Variants in SCRIB observed in about 807,000 individuals in gnomAD.
SCRIB encodes protein scribble homolog.
SCRIB carries 72 observed loss-of-function variants against 170.0 expected under a neutral mutation model. That is an observed-to-expected ratio of 0.42 (90% CI 0.35 to 0.52). The LOEUF (loss-of-function observed/expected upper bound fraction) is 0.52, where lower values mean the gene tolerates loss of function less well. Ranked by LOEUF, SCRIB falls within the 20% of genes least tolerant of loss-of-function variation. The probability of loss-of-function intolerance (pLI) is 0.02; values close to 1 mark genes in which losing one functional copy is unlikely to be tolerated. For missense variants in SCRIB, 2,475 were observed against 2,338.5 expected (o/e 1.06, Z -1.20); for synonymous variants, 1,298 against 1,044.3 (o/e 1.24, Z -4.68).
chr8:143,792,461 G>A (rs1472899925), intron 31 of SCRIB, 24 bp downstream of exon 31: 1 of 1,518,946 alleles, frequency 6.6e-7, no homozygotes, highest in South Asian at 1.3e-5. Flanking sequence ...GTGAGTAGGG[G>A]GCGTCTGGTG....
chr8:143,814,047 C>T lies in SCRIB; in HGVS notation c.231G>A (p.Glu77=). The T allele has an allele frequency of 2.6e-6, 4 of 1,561,282 alleles. No homozygotes were observed. The highest frequency in any genetic ancestry group is 3.5e-6 in the Non-Finnish European group (4 of 1,152,170). The part of the protein sequence containing the change: ...SDNEIQRLPP[E]VANFMQLVEL... Reference sequence around the variant, plus strand: ...CCACCAGCTGCATGAAGTTGGCCACCTCGGGAGGCAACCGCTGGATCTCGT... The same window carrying T: ...CCACCAGCTGCATGAAGTTGGCCACTTCGGGAGGCAACCGCTGGATCTCGT... The change falls in exon 2 of 37, where the codon GAG becomes GAA. Residue 77 remains glutamate, a synonymous_variant. Coordinates refer to ENST00000356994, the MANE Select transcript of SCRIB (RefSeq NM_182706.5).
rs1815662251 is a variant in SCRIB at position 143,810,573 on chromosome 8, C to G, written c.1436G>C (p.Ser479Thr). ...GLQRRATPHP[S>T]ELKVMKRSIE... ...GCTCCTCTTCATCACCTTGAGCTCG[C>G]TGGGGTGAGGTGTGGCCCGGCGCTG... is the stretch of plus-strand genomic sequence containing the variant. The change falls in exon 13 of 37, where the codon AGC becomes ACC. Residue 479 changes from serine to threonine, a missense_variant. Around this residue, in one of 3 missense-constraint regions of SCRIB, gnomAD observed 1,966 missense variants for 1,742.9 expected, o/e 1.13. Coordinates refer to ENST00000356994, the MANE Select transcript of SCRIB (RefSeq NM_182706.5). The G allele has an allele frequency of 1.2e-6, 2 of 1,613,718 alleles. No homozygotes were observed. Among genetic ancestry groups the G allele is most frequent in the East Asian group, 4.5e-5 (2 of 44,876 alleles).
chr8:143,804,480 C>G, intron 21 of SCRIB, 88 bp downstream of exon 21: 1 of 1,363,400 alleles, frequency 7.3e-7, no homozygotes, highest in South Asian at 1.5e-5. Flanking sequence ...CTGGAGTGGG[C>G]CGCAAGGCCA....
chr8:143,804,176 C>T lies in SCRIB; in HGVS notation c.3010-20G>A, dbSNP rs782795559. 5 of 1,562,346 alleles carry T rather than the reference C, an allele frequency of 3.2e-6. No homozygotes were observed. Among genetic ancestry groups the T allele is most frequent in the African/African-American group, 2.7e-5 (2 of 73,882 alleles). On this transcript the variant is annotated intron_variant, in intron 21 of 36. Transcript: ENST00000356994. ...GATCTCCTGGGGATTTAGGGCGGGA[C>T]AAGGACAGGCCTCGGTCAGGACAGG...
Position 143,795,460 on chromosome 8 carries a change from G to C in SCRIB, c.3674C>G (p.Ser1225Cys). Residue 1225 changes from serine (S) to cysteine (C), a missense_variant, in exon 25 of 37, where the codon TCT (serine) becomes TGT (cysteine). Coordinates refer to ENST00000356994, the MANE Select transcript of SCRIB (RefSeq NM_182706.5). ...IGHRNSLESI[S>C]SIDRELSPEG... ...AGGGCTCAGCTCCCGGTCGATGGAAGAGATGCTCTCCAGGCTGTTCCGGTG... is the reference window on the plus strand; with the variant it reads ...AGGGCTCAGCTCCCGGTCGATGGAACAGATGCTCTCCAGGCTGTTCCGGTG... 6.2e-7 allele frequency: 1 copy of C among 1,613,330 alleles called. No individual in the cohort carries two copies. Among genetic ancestry groups the C allele is most frequent in the Non-Finnish European group, 8.5e-7 (1 of 1,179,834 alleles).
intron 24 of SCRIB, among the ~76,000 whole-genome samples, chr8:143,797,451 G>A (rs1314829531): frequency 6.6e-6 from 1 of 152,126 alleles, no homozygotes; most frequent in Non-Finnish European, 1.5e-5. Flanking sequence ...GGCCCGCTCA[G>A]AACCATCAAG....
intron 27 of SCRIB, 139 bp from the exon 28 acceptor site, chr8:143,794,101 C>T (rs879995962): frequency 2.7e-6 from 2 of 748,516 alleles, no homozygotes; most frequent in South Asian, 3.4e-5. Flanking sequence ...CAGGGGATGC[C>T]CCAGACACTC....
rs902866170 is a variant in SCRIB at position 143,811,354 on chromosome 8, G to A, written c.907-9C>T. ...AGGGAGCGGGGCAGGGCCTGGCCAA[G>A]AAGAGGAGGTCAGAGGACGCTAGGG... On this transcript the variant is annotated splice_polypyrimidine_tract_variant and intron_variant, in intron 9 of 36. Coordinates refer to ENST00000356994, the MANE Select transcript of SCRIB (RefSeq NM_182706.5). 1.2e-6 allele frequency: 2 copies of A among 1,610,176 alleles called. No individual in the cohort carries two copies. Among genetic ancestry groups the A allele is most frequent in the East Asian group, 2.2e-5 (1 of 44,770 alleles).
chr8:143,809,812 T>A (rs887523235), intron 13 of SCRIB, 94 bp from the exon 14 acceptor site: 1 of 1,412,562 alleles, frequency 7.1e-7, no homozygotes, highest in African/African-American at 1.4e-5. Context: ...TTCCCTGAGC[T>A]TCCCGCTGCC....
At chr8:143,814,752 A>C (rs1012967731) in intron 1 of SCRIB, 3 of 168,810 alleles carry the variant, frequency 1.8e-5, no homozygotes, top group Admixed American at 6.2e-5. Flanking sequence ...GCACCTGACC[A>C]CGAGAAGCAA....
At chr8:143,808,529 G>A (rs1490620398) in intron 15 of SCRIB, 80 bp downstream of exon 15, 27 of 1,465,674 alleles carry the variant, frequency 1.8e-5, no homozygotes, top group South Asian at 4.7e-5. Flanking sequence ...GTCAGGCCTC[G>A]GCCCTGCTCC....
chr8:143,794,426 A>C (rs1451214925), intron 27 of SCRIB, among the ~76,000 whole-genome samples: 3 of 152,082 alleles, frequency 2.0e-5, no homozygotes, highest in Admixed American at 6.5e-5. Context: ...TGGCCAGAGG[A>C]GGCAGGGTCA....
intron 1 of SCRIB, among the ~76,000 whole-genome samples, chr8:143,814,423 C>T (rs895350001): frequency 1.1e-4 from 16 of 152,218 alleles, no homozygotes; most frequent in African/African-American, 3.9e-4. Context: ...GCCCACCCAG[C>T]CCCTGAACCA....
In SCRIB at chr8:143,813,729, G is replaced by A. The variant is rs758938176; in HGVS notation, c.357-3C>T. ...GCTGAGTGAAGCCATCAGGGAGCCT[G>A]GATGGGAGGAAGCAGAGGCCCTCGG... On this transcript the variant is annotated splice_polypyrimidine_tract_variant and splice_region_variant and intron_variant, in intron 3 of 36. Coordinates refer to ENST00000356994, the MANE Select transcript of SCRIB (RefSeq NM_182706.5). 3 of 1,613,420 alleles carry A rather than the reference G, an allele frequency of 1.9e-6. No homozygotes were observed. The highest frequency in any genetic ancestry group is 2.5e-6 in the Non-Finnish European group (3 of 1,179,938).
In SCRIB at chr8:143,815,646, C is replaced by T; in HGVS notation, c.-274G>A. 1.3e-5 allele frequency: 13 copies of T among 982,978 alleles called. No homozygotes were observed. The highest frequency in any genetic ancestry group is 1.4e-5 in the Non-Finnish European group (12 of 828,878). 60.9% of individuals were successfully genotyped at this position (982,978 alleles called of 1,614,324 possible). A position where few individuals can be genotyped will look rare whatever the true frequency, so the allele number is the denominator to read the frequency against. ...GCGGCGGCGGCGGCTCCGCATCCCGCTTGGTCCTGCTCAGCTCGTCCCGCC... is the reference window on the plus strand; with the variant it reads ...GCGGCGGCGGCGGCTCCGCATCCCGTTTGGTCCTGCTCAGCTCGTCCCGCC... On this transcript the variant is annotated 5_prime_UTR_variant, in exon 1 of 37. Coordinates refer to ENST00000356994, the MANE Select transcript of SCRIB (RefSeq NM_182706.5).
chr8:143,793,752 C>G, intron 28 of SCRIB, 148 bp downstream of exon 28: 1 of 718,492 alleles, frequency 1.4e-6, no homozygotes, highest in Non-Finnish European at 2.3e-6. Context: ...CACAGGAGGC[C>G]CCATGGTAGC....
At position 143,803,915 on chromosome 8, in the gene SCRIB, C is replaced by T. The variant is rs571756559; in HGVS notation, c.3146G>A (p.Arg1049His). ...SKVLPRGLAA[R>H]SGLRVGDRIL... ...GCGGTCCCCAACCCGCAGGCCGCTG[C>T]GAGCGGCCAGGCCCCGCGGGAGCAC... Residue 1049 changes from arginine (R) to histidine (H), a missense_variant, in exon 23 of 37, where the codon CGC (arginine) becomes CAC (histidine). Physicochemically the swap from Arg to His is conservative, Grantham distance 29. Transcript: ENST00000356994. The T allele has an allele frequency of 1.4e-5, 22 of 1,588,250 alleles. No individual in the cohort carries two copies. Among genetic ancestry groups the T allele is most frequent in the South Asian group, 9.0e-5 (8 of 88,560 alleles).
Position 143,815,599 on chromosome 8 carries a change from C to T in SCRIB, c.-227G>A. On this transcript the variant is annotated 5_prime_UTR_variant, in exon 1 of 37. Coordinates refer to ENST00000356994, the MANE Select transcript of SCRIB (RefSeq NM_182706.5). ...GGGGCGCGGCCCGGCGGGTCTCAGACTCTTAGGAAGCGCGGGGAGCGGCGG... is the reference window on the plus strand; with the variant it reads ...GGGGCGCGGCCCGGCGGGTCTCAGATTCTTAGGAAGCGCGGGGAGCGGCGG... 1 of 982,048 alleles carries T rather than the reference C, an allele frequency of 1.0e-6. No individual in the cohort carries two copies. The highest frequency in any genetic ancestry group is 4.7e-5 in the South Asian group (1 of 21,284). The allele number at this position is 982,048 out of a possible 1,614,324, so 60.8% of individuals were successfully genotyped here.
In SCRIB at chr8:143,803,910, C is replaced by T. The variant is rs782145519; in HGVS notation, c.3151G>A (p.Gly1051Ser). ...VLPRGLAARS[G>S]LRVGDRILAV... ...AGGATGCGGTCCCCAACCCGCAGGC[C>T]GCTGCGAGCGGCCAGGCCCCGCGGG... is the stretch of plus-strand genomic sequence containing the variant. Residue 1051 changes from glycine (G) to serine (S), a missense_variant, in exon 23 of 37, where the codon GGC (glycine) becomes AGC (serine). Around this residue, in one of 3 missense-constraint regions of SCRIB, gnomAD observed 1,966 missense variants for 1,742.9 expected, o/e 1.13. Coordinates refer to ENST00000356994, the MANE Select transcript of SCRIB (RefSeq NM_182706.5). 1.5e-5 allele frequency: 24 copies of T among 1,589,220 alleles called. No individual in the cohort carries two copies. The highest frequency in any genetic ancestry group is 2.3e-5 in the East Asian group (1 of 44,060).
Sources: gnomAD v4.1 joint callset for allele counts (sites outside exome capture counted in the v4.1 genomes callset) on GRCh38, gnomAD v4.1.1 for gene constraint, gnomAD v4.1.1 regional missense constraint, MANE v1.5 for transcripts, NCBI Gene and HGNC (gene_info 2026-07-23, HGNC 2026-07-21) for gene names.